Variants in LRRC37A3 observed in about 807,000 individuals in gnomAD.
LRRC37A3 encodes leucine-rich repeat-containing protein 37A3.
A neutral mutation model predicts 106.2 loss-of-function variants in LRRC37A3; 25 were observed. That is an observed-to-expected ratio of 0.24 (90% CI 0.17 to 0.33). LRRC37A3 has a LOEUF of 0.33. Ranked by LOEUF, LRRC37A3 falls within the 10% of genes least tolerant of loss-of-function variation. The pLI, the probability that LRRC37A3 is intolerant of heterozygous loss-of-function variation, is 1.00. For synonymous variants in LRRC37A3, 305 were observed against 635.8 expected (o/e 0.48, Z 7.83); for missense variants, 712 against 1,644.9 (o/e 0.43, Z 9.81).
At chr17:64,865,218 A>C (rs1973021238) in intron 10 of LRRC37A3, among the ~76,000 whole-genome samples, 1 of 152,200 alleles carries the variant, frequency 6.6e-6, no homozygotes. Flanking sequence ...ATCTTGGCTC[A>C]CTGCAGCCTC....
At chr17:64,909,881 G>C (rs2143619331) in intron 2 of LRRC37A3, 1 of 152,222 alleles carries the variant, frequency 6.6e-6, no homozygotes, top group Non-Finnish European at 1.5e-5. Flanking sequence ...TTAAGGGAGT[G>C]AATTTCTTGA....
intron 8 of LRRC37A3, among the ~76,000 whole-genome samples, chr17:64,883,605 T>C (rs1460298588): frequency 1.3e-5 from 2 of 148,642 alleles, no homozygotes; most frequent in Non-Finnish European, 1.5e-5. Context: ...TTTTATAAAC[T>C]TGTGTAATGC....
chr17:64,909,043 GGGATTACAGGCATGA>G (rs1974525634), intron 2 of LRRC37A3, among the ~76,000 whole-genome samples: 1 of 152,048 alleles, frequency 6.6e-6, no homozygotes, highest in African/African-American at 2.4e-5. Context: ...CCAAAGTGCT[GGGATTACAGGCATGA>G]GCCACAGTGC....
chr17:64,869,138 C>T lies in LRRC37A3; in HGVS notation c.2935G>A (p.Val979Ile), dbSNP rs376131832. ...LILNHNPLTT[V>I]EDPYLFKLPA... ...AATTTAAAGAGATATGGATCTTCAA[C>T]AGTTGTCAGAGGATTGTGATTGAGA... The change falls in exon 9 of 15, where the codon GTT becomes ATT. Residue 979 changes from valine to isoleucine, a missense_variant. Transcript: ENST00000584306. 7.4e-6 allele frequency: 12 copies of T among 1,612,790 alleles called. No homozygotes were observed. Among genetic ancestry groups the T allele is most frequent in the South Asian group, 3.3e-5 (3 of 90,768 alleles).
intron 2 of LRRC37A3, chr17:64,899,742 T>C (rs1260086403): frequency 2.7e-5 from 4 of 148,596 alleles, no homozygotes; most frequent in East Asian, 2.0e-4. Context: ...ACAAGGCCTG[T>C]GTTCGAGCAG....
intron 8 of LRRC37A3, among the ~76,000 whole-genome samples, chr17:64,884,282 A>T (rs1400063127): frequency 2.0e-5 from 3 of 150,490 alleles, no homozygotes; most frequent in African/African-American, 4.9e-5. Flanking sequence ...ATCAACTGTG[A>T]TTCCAGTGTT....
In LRRC37A3 at chr17:64,868,452, A is replaced by C. The variant is rs1973193340; in HGVS notation, c.3053+10T>G. 1 of 1,610,050 alleles carries C rather than the reference A, an allele frequency of 6.2e-7. No individual in the cohort carries two copies. The highest frequency in any genetic ancestry group is 1.3e-5 in the African/African-American group (1 of 74,684). ...TACGTAAAAATAAATCTCGGAAAAA[A>C]ATAACTTACAGTTTTTCCAGTTCAA... On this transcript the variant is annotated intron_variant, in intron 10 of 14. Coordinates refer to ENST00000584306, the MANE Select transcript of LRRC37A3 (RefSeq NM_199340.5).
intron 8 of LRRC37A3, chr17:64,871,417 G>T (rs1973307662): frequency 6.6e-6 from 1 of 152,030 alleles, no homozygotes; most frequent in African/African-American, 2.4e-5. Context: ...CTCTTTTTAT[G>T]TCTTTCCCCT....
At chr17:64,879,736 A>G (rs1318502659) in intron 8 of LRRC37A3, among the ~76,000 whole-genome samples, 6 of 152,206 alleles carry the variant, frequency 3.9e-5, no homozygotes, top group Non-Finnish European at 7.4e-5. Flanking sequence ...CCCTCATTCT[A>G]TATCTTCCTC....
intron 2 of LRRC37A3, chr17:64,910,036 G>A (rs1187870859): frequency 6.6e-6 from 1 of 152,186 alleles, no homozygotes; most frequent in Non-Finnish European, 1.5e-5. Flanking sequence ...AATACAAGAA[G>A]GATCTACATG....
intron 8 of LRRC37A3, among the ~76,000 whole-genome samples, chr17:64,879,224 G>C (rs1261432822): frequency 1.3e-5 from 2 of 152,104 alleles, no homozygotes; most frequent in Non-Finnish European, 2.9e-5. Flanking sequence ...TTGGGATGAT[G>C]AAAATGTTCT....
At position 64,861,571 on chromosome 17, in the gene LRRC37A3, C is replaced by T. The variant is rs563312270; in HGVS notation, c.3173-598G>A. 3.3e-5 allele frequency among the ~76,000 whole-genome samples: 5 copies of T among 152,236 alleles called. No homozygotes were observed. In the East Asian group the frequency reaches 5.8e-4, roughly 18 times the overall value. On this transcript the variant is annotated intron_variant, in intron 11 of 14. Coordinates refer to ENST00000584306, the MANE Select transcript of LRRC37A3 (RefSeq NM_199340.5). ...TGTGGTAGCCCCATCACAGAAGATG[C>T]GACATGGAAAAAAGCACTGTGTCCA... is the stretch of plus-strand genomic sequence containing the variant.
intron 12 of LRRC37A3, 122 bp downstream of exon 12, chr17:64,859,320 C>T: frequency 8.8e-7 from 1 of 1,132,224 alleles, no homozygotes. Context: ...ACTGTCATGA[C>T]CAAAGTTACA....
At chr17:64,866,601 TATATATATATATATATATATATATA>T (rs1567766421) in intron 10 of LRRC37A3, among the ~76,000 whole-genome samples, 2 of 17,338 alleles carry the variant, frequency 1.2e-4, no homozygotes, top group East Asian at 1.9e-3. Context: ...TATATATATA[TATATATATATATATATATATATATA>T]TATTTTTTTT....
chr17:64,897,242 A>G lies in LRRC37A3; in HGVS notation c.16T>C (p.Cys6Arg). Reference sequence around the variant, plus strand: ...GACATGACACACGCTAGTGCCGGGCACTGAGCGGAAGTCATTCTGGCAGCT... The same window carrying G: ...GACATGACACACGCTAGTGCCGGGCGCTGAGCGGAAGTCATTCTGGCAGCT... MTSAQ[C>R]PALACVMSPL... is the part of the protein sequence containing the mutation. The change falls in exon 4 of 15, where the codon TGC becomes CGC. Residue 6 changes from cysteine (C) to arginine (R), a missense_variant. Coordinates refer to ENST00000584306, the MANE Select transcript of LRRC37A3 (RefSeq NM_199340.5). 6.2e-7 allele frequency: 1 copy of G among 1,609,638 alleles called. No individual in the cohort carries two copies. The highest frequency in any genetic ancestry group is 8.5e-7 in the Non-Finnish European group (1 of 1,179,890).
chr17:64,874,297 C>T (rs1439004264), intron 8 of LRRC37A3, among the ~76,000 whole-genome samples: 20 of 152,164 alleles, frequency 1.3e-4, no homozygotes, highest in African/African-American at 2.4e-4. Flanking sequence ...TGCCCGGCCG[C>T]GACCCCGTCT....
At position 64,860,652 on chromosome 17, in the gene LRRC37A3, T is replaced by G. The variant is rs762222867; in HGVS notation, c.3494A>C (p.Asn1165Thr). ...GCTCCTTGGGCCCATGAGGACTCTA[T>G]TCAGTCTCTGCCGGTTTTTGCCTAC... Reference protein sequence around the residue: ...QTVGKNRQRLNRVLMGPRSIQ... With the variant: ...QTVGKNRQRLTRVLMGPRSIQ... The change falls in exon 12 of 15, where the codon AAT becomes ACT. Residue 1165 changes from asparagine to threonine, a missense_variant. Transcript: ENST00000584306. 13 of 1,614,038 alleles carry G rather than the reference T, an allele frequency of 8.1e-6. No homozygotes were observed. The highest frequency in any genetic ancestry group is 5.0e-5 in the Admixed American group (3 of 60,020).
intron 1 of LRRC37A3, among the ~76,000 whole-genome samples, 154 bp from the exon 2 acceptor site, chr17:64,919,024 G>C (rs1974768573): frequency 6.6e-6 from 1 of 152,002 alleles, no homozygotes; most frequent in Non-Finnish European, 1.5e-5. Flanking sequence ...TGGGGCTGGC[G>C]GCGGCGGCGG....
In LRRC37A3 at chr17:64,898,387, C is replaced by G. The variant is rs1974199224; in HGVS notation, c.-423G>C. On this transcript the variant is annotated 5_prime_UTR_variant, in exon 3 of 15. Transcript: ENST00000584306. ...CTGCAATCCCAGCTACTCAGGAGGC[C>G]AAAGCAGGAGAATCGCTTGAACCTG... The G allele has an allele frequency of 6.0e-6, 1 of 165,560 alleles. No homozygotes were observed. Among genetic ancestry groups the G allele is most frequent in the South Asian group, 1.8e-4 (1 of 5,540 alleles). 10.3% of individuals were successfully genotyped at this position (165,560 alleles called of 1,614,324 possible).
Sources: allele counts gnomAD v4.1 joint callset (sites outside exome capture counted in the v4.1 genomes callset), GRCh38; gene constraint gnomAD v4.1.1; transcripts MANE v1.5; gene names NCBI Gene and HGNC (gene_info 2026-07-23, HGNC 2026-07-21).